The following PPM1H variants were observed in gnomAD, a reference collection of about 807,000 sequenced individuals.
PPM1H encodes the protein protein phosphatase 1H.
In PPM1H, 27 loss-of-function variants were observed where a neutral mutation model predicts 54.9. The ratio of observed to expected loss-of-function variants is 0.49; its 90% CI spans 0.36 to 0.68. The LOEUF (loss-of-function observed/expected upper bound fraction) is 0.68. Among genes scored for constraint, PPM1H ranks in the 30% least tolerant of loss-of-function variants. The pLI is 0.00. For missense variants in PPM1H, 596 were observed against 667.8 expected, an observed-to-expected ratio of 0.89 and a Z score of 1.19; for synonymous variants, 305 against 270.8, an observed-to-expected ratio of 1.13 and a Z score of -1.24.
intron 4 of PPM1H, among the ~76,000 whole-genome samples, chr12:62,748,629 T>C (rs1310239493): frequency 2.6e-5 from 4 of 152,180 alleles, no homozygotes; most frequent in Non-Finnish European, 5.9e-5. Context: ...ACAGTTAACC[T>C]GAAAGGCTAT....
chr12:62,748,684 G>C (rs543543640), intron 4 of PPM1H, among the ~76,000 whole-genome samples: 88 of 152,194 alleles, frequency 5.8e-4, no homozygotes, highest in Admixed American at 2.0e-3. Context: ...GTGGGGCAAA[G>C]ACTAATTGTC....
intron 6 of PPM1H, among the ~76,000 whole-genome samples, chr12:62,700,681 T>C (rs759322794): frequency 2.2e-4 from 33 of 152,296 alleles, no homozygotes; most frequent in Middle Eastern, 3.4e-3. Context: ...CAAGAGGCGA[T>C]GGTGCTAGGA....
intron 4 of PPM1H, among the ~76,000 whole-genome samples, chr12:62,751,520 T>C (rs1305074733): frequency 2.0e-5 from 3 of 152,214 alleles, no homozygotes; most frequent in African/African-American, 4.8e-5. Flanking sequence ...ATCAAATCAG[T>C]AAAATTCTAT....
At chr12:62,786,928 G>A (rs910169459) in intron 4 of PPM1H, among the ~76,000 whole-genome samples, 4 of 152,092 alleles carry the variant, frequency 2.6e-5, no homozygotes, top group African/African-American at 9.7e-5. Context: ...AATATTTGTT[G>A]TAAAATGTAT....
chr12:62,825,018 A>G (rs1337362610), intron 2 of PPM1H, among the ~76,000 whole-genome samples: 1 of 152,220 alleles, frequency 6.6e-6, no homozygotes, highest in Non-Finnish European at 1.5e-5. Context: ...AAGGGCTAAT[A>G]TCCAGAATCT....
At chr12:62,851,639 G>A (rs1173017352) in intron 1 of PPM1H, among the ~76,000 whole-genome samples, 1 of 152,028 alleles carries the variant, frequency 6.6e-6, no homozygotes, top group Non-Finnish European at 1.5e-5. Flanking sequence ...GGGGGTGAAG[G>A]TTGCCATGAG....
chr12:62,905,333 C>T (rs1486022014), intron 1 of PPM1H, among the ~76,000 whole-genome samples: 4 of 152,182 alleles, frequency 2.6e-5, no homozygotes, highest in East Asian at 1.9e-4. Flanking sequence ...CAAGGCTCAA[C>T]GTGTGGCTAG....
chr12:62,910,805 T>C (rs1871435548), intron 1 of PPM1H, among the ~76,000 whole-genome samples: 1 of 152,140 alleles, frequency 6.6e-6, no homozygotes. Flanking sequence ...GACCAAGCCA[T>C]TGGAGCACCA....
At chr12:62,862,152 A>G (rs990236084) in intron 1 of PPM1H, among the ~76,000 whole-genome samples, 2 of 152,202 alleles carry the variant, frequency 1.3e-5, no homozygotes, top group Non-Finnish European at 2.9e-5. Flanking sequence ...TGACAGACCC[A>G]GAGAGCGGGC....
intron 1 of PPM1H, among the ~76,000 whole-genome samples, chr12:62,930,396 G>A (rs980222094): frequency 6.6e-6 from 1 of 152,182 alleles, no homozygotes; most frequent in Non-Finnish European, 1.5e-5. Flanking sequence ...TATACTTAAT[G>A]TATTCTTTCT....
chr12:62,743,276 C>A (rs1469612768), intron 4 of PPM1H, among the ~76,000 whole-genome samples: 2 of 152,054 alleles, frequency 1.3e-5, no homozygotes, highest in African/African-American at 4.8e-5. Flanking sequence ...TTGCTTGAAC[C>A]TGGGAAGGGG....
chr12:62,860,716 C>T (rs1369152153), intron 1 of PPM1H, among the ~76,000 whole-genome samples: 3 of 152,128 alleles, frequency 2.0e-5, no homozygotes, highest in Admixed American at 6.5e-5. Flanking sequence ...TCCTTCCAAG[C>T]GTAAAGATTA....
intron 6 of PPM1H, among the ~76,000 whole-genome samples, chr12:62,712,325 C>T (rs973432260): frequency 6.6e-6 from 1 of 152,226 alleles, no homozygotes; most frequent in Non-Finnish European, 1.5e-5. Context: ...CAGACTGCTG[C>T]CAAGGTGGCC....
In PPM1H at chr12:62,703,536, A is replaced by G. The variant is rs1027261295; in HGVS notation, c.1074-9537T>C. Among the ~76,000 whole-genome samples, 3 of 152,226 alleles carry G rather than the reference A, an allele frequency of 2.0e-5. No homozygotes were observed. In the South Asian group the frequency reaches 6.2e-4, roughly 32 times the overall value. The stretch of plus-strand genomic sequence containing the variant: ...GTTGGGTTTGGGAGGAGGCCGGAGC[A>G]CAGAAACATCTTCGGTCCCCCTTCT... On this transcript the variant is annotated intron_variant, in intron 6 of 9. Coordinates refer to ENST00000228705, the MANE Select transcript of PPM1H (RefSeq NM_020700.2).
At chr12:62,718,667 T>A (rs772682149) in intron 6 of PPM1H, among the ~76,000 whole-genome samples, 1 of 152,304 alleles carries the variant, frequency 6.6e-6, no homozygotes, top group Middle Eastern at 3.4e-3. Flanking sequence ...TAACGTTCCA[T>A]CTTTCCAAAC....
chr12:62,903,739 TGG>T (rs1313455267), intron 1 of PPM1H, among the ~76,000 whole-genome samples: 1 of 150,562 alleles, frequency 6.6e-6, no homozygotes, highest in Non-Finnish European at 1.5e-5. Flanking sequence ...GGTGGGGGAG[TGG>T]GGTGGGGGTC....
chr12:62,817,834 C>T (rs1174699605), intron 2 of PPM1H, among the ~76,000 whole-genome samples: 4 of 152,146 alleles, frequency 2.6e-5, no homozygotes, highest in Admixed American at 2.6e-4. Context: ...CCTGGAGTTC[C>T]CACAGTGCTG....
intron 6 of PPM1H, among the ~76,000 whole-genome samples, chr12:62,708,456 A>G (rs2120413637): frequency 6.6e-6 from 1 of 152,258 alleles, no homozygotes; most frequent in African/African-American, 2.4e-5. Context: ...CTGCTGGGAA[A>G]CCTGGAGAGC....
At chr12:62,689,637 A>C in intron 8 of PPM1H, 62 bp downstream of exon 8, 1 of 1,276,114 alleles carries the variant, frequency 7.8e-7, no homozygotes, top group South Asian at 1.3e-5. Context: ...TGTGAGTCAC[A>C]GGAGGAATAA....
Sources: allele counts gnomAD v4.1 joint callset (sites outside exome capture counted in the v4.1 genomes callset), GRCh38; gene constraint gnomAD v4.1.1; transcripts MANE v1.5; gene names NCBI Gene and HGNC (gene_info 2026-07-23, HGNC 2026-07-21).